Variants in DNAJB1 observed in about 807,000 individuals in gnomAD.
DNAJB1 encodes dnaJ homolog subfamily B member 1.
In DNAJB1, 14 loss-of-function variants were observed where a neutral mutation model predicts 24.0. The ratio of observed to expected loss-of-function variants is 0.58; its 90% CI spans 0.39 to 0.91. DNAJB1 has a LOEUF of 0.91. DNAJB1 is among the 40% of genes least tolerant of loss of function. The pLI is 0.00. For synonymous variants in DNAJB1, 262 were observed against 174.4 expected, an observed-to-expected ratio of 1.50 and a Z score of -3.96; for missense variants, 517 against 458.1, an observed-to-expected ratio of 1.13 and a Z score of -1.17.
chr19:14,531,055 A>G (rs114386709), upstream of DNAJB1: 2 of 151,702 alleles, frequency 1.3e-5, no homozygotes, highest in Non-Finnish European at 2.9e-5. Context: ...TCTTTTGGAG[A>G]CAGAGTTTCG....
At chr19:14,527,925 C>CT (rs2072465455) in intron 1 of DNAJB1, 1 of 151,854 alleles carries the variant, frequency 6.6e-6, no homozygotes, top group African/African-American at 2.4e-5. Flanking sequence ...GAATCTCACT[C>CT]TGTCGCCCAG....
At chr19:14,547,816 A>C (rs924996620) in intron 1 of DNAJB1, among the ~76,000 whole-genome samples, 1 of 151,812 alleles carries the variant, frequency 6.6e-6, no homozygotes, top group African/African-American at 2.4e-5. Context: ...CATACCACCT[A>C]CAGCCGGCTA....
chr19:14,549,694 C>T (rs887958564), intron 1 of DNAJB1, among the ~76,000 whole-genome samples: 2 of 151,968 alleles, frequency 1.3e-5, no homozygotes. Flanking sequence ...CCTGTAATCC[C>T]AGCACTTAGG....
chr19:14,547,800 C>T (rs1043558507), intron 1 of DNAJB1, among the ~76,000 whole-genome samples: 2 of 151,678 alleles, frequency 1.3e-5, no homozygotes, highest in Admixed American at 6.6e-5. Flanking sequence ...GCTAGGACTA[C>T]AGGTGCATAC....
intron 1 of DNAJB1, among the ~76,000 whole-genome samples, chr19:14,538,368 G>T (rs966993401): frequency 1.3e-5 from 2 of 152,036 alleles, no homozygotes; most frequent in Non-Finnish European, 2.9e-5. Context: ...GGGGGCCTGT[G>T]GGGGAGTGTG....
At chr19:14,553,248 C>G (rs770687126), upstream of DNAJB1, among the ~76,000 whole-genome samples, 1 of 152,158 alleles carries the variant, frequency 6.6e-6, no homozygotes, top group South Asian at 2.1e-4. Context: ...CCCGGGCTAC[C>G]GCTGCCTCTG....
At chr19:14,533,640 G>A (rs1053148815), upstream of DNAJB1, among the ~76,000 whole-genome samples, 1 of 152,118 alleles carries the variant, frequency 6.6e-6, no homozygotes, top group African/African-American at 2.4e-5. Context: ...ATGGCAGTTG[G>A]GATCCCAGCA....
chr19:14,548,863 C>T (rs1351370928), intron 1 of DNAJB1, among the ~76,000 whole-genome samples: 1 of 152,096 alleles, frequency 6.6e-6, no homozygotes, highest in Non-Finnish European at 1.5e-5. Context: ...GCGGGAGCCA[C>T]CGCATCCAAC....
chr19:14,520,666 A>C (rs1026262921), upstream of DNAJB1, among the ~76,000 whole-genome samples: 3 of 152,084 alleles, frequency 2.0e-5, no homozygotes, highest in Admixed American at 2.0e-4. Context: ...TCCTGAAGCA[A>C]TTATGGGGAG....
upstream of DNAJB1, chr19:14,518,422 T>G: frequency 7.9e-7 from 1 of 1,265,872 alleles, no homozygotes; most frequent in Non-Finnish European, 1.0e-6. Flanking sequence ...CCGGACTCTA[T>G]ATACCCGTCC....
At chr19:14,554,382 C>T (rs2073645941), upstream of DNAJB1, among the ~76,000 whole-genome samples, 3 of 152,184 alleles carry the variant, frequency 2.0e-5, no homozygotes, top group African/African-American at 7.2e-5. Context: ...AGAATCCAAG[C>T]TTCCCGCTCT....
rs980564669 is a variant in DNAJB1, at chr19:14,536,329, G to T, written c.-213-8519C>A. On this transcript the variant is annotated intron_variant, in intron 1 of 3. Transcript: ENST00000676982. The stretch of plus-strand genomic sequence containing the variant: ...CTGTTGCCCAGGCTGGAGTGCAGTG[G>T]TGCCATCTAGGCTCACTGCAACCTC... Among the ~76,000 whole-genome samples, 6 of 151,472 alleles carry T rather than the reference G, an allele frequency of 4.0e-5. No homozygotes were observed. The East Asian group carries it at 9.7e-4, about 24-fold the overall frequency.
chr19:14,529,429 GC>G (rs926354904), upstream of DNAJB1: 7 of 611,656 alleles, frequency 1.1e-5, no homozygotes, highest in African/African-American at 3.6e-5. Flanking sequence ...CAGGCGTTCC[GC>G]CCCCTTCGAT....
At chr19:14,528,082 C>T (rs2072470059) in intron 1 of DNAJB1, among the ~76,000 whole-genome samples, 1 of 151,692 alleles carries the variant, frequency 6.6e-6, no homozygotes, top group South Asian at 2.1e-4. Flanking sequence ...CAGGGTTTCA[C>T]CACGTTGTCC....
chr19:14,517,831 T>G, intron 1 of DNAJB1: 1 of 270,974 alleles, frequency 3.7e-6, no homozygotes, highest in East Asian at 6.2e-5. Flanking sequence ...GCCGTCCCCG[T>G]CGTCACCCCC....
chr19:14,527,984 G>A (rs1346789320), intron 1 of DNAJB1, among the ~76,000 whole-genome samples: 1 of 151,570 alleles, frequency 6.6e-6, no homozygotes, highest in Non-Finnish European at 1.5e-5. Context: ...TCCACCTCCC[G>A]GGTTCAAGCG....
chr19:14,529,651 T>G, upstream of DNAJB1: 2 of 1,613,660 alleles, frequency 1.2e-6, no homozygotes, highest in Non-Finnish European at 1.7e-6. Context: ...TGCCGCGCAG[T>G]TAGGCAGCAG....
At position 14,515,652 on chromosome 19, in the gene DNAJB1, G is replaced by GCT. The variant is rs2072243938; in HGVS notation, c.*287_*288insAG. 5.0e-6 allele frequency: 2 copies of GCT among 400,962 alleles called. No homozygotes were observed. The highest frequency in any genetic ancestry group is 4.6e-5 in the Admixed American group (1 of 21,530). 24.8% of individuals were successfully genotyped at this position (400,962 alleles called of 1,614,324 possible). A position where few individuals can be genotyped will look rare whatever the true frequency, so the allele number is the denominator to read the frequency against. ...GGTCTGCCTCTCACCCCTGGCCAGG[G>GCT]ACTGGAGGTGGATGTGGGCCCATCC... On this transcript the variant is annotated 3_prime_UTR_variant, in exon 3 of 3. Transcript: ENST00000254322.
intron 1 of DNAJB1, among the ~76,000 whole-genome samples, chr19:14,557,116 T>TAATTA (rs1568422129): frequency 8.2e-5 from 11 of 133,888 alleles, no homozygotes; most frequent in African/African-American, 3.2e-4. Context: ...GGTCTAATCT[T>TAATTA]ATTTATTTAT....
Sources: gnomAD v4.1 joint callset for allele counts (sites outside exome capture counted in the v4.1 genomes callset) on GRCh38, gnomAD v4.1.1 for gene constraint, MANE v1.5 for transcripts, NCBI Gene and HGNC (gene_info 2026-07-23, HGNC 2026-07-21) for gene names.